The following NFIA variants were observed in gnomAD, a reference collection of about 807,000 sequenced individuals.
NFIA encodes the protein nuclear factor 1 A-type.
Under a neutral mutation model 62.8 loss-of-function variants are expected in NFIA, and 8 were observed. The observed-to-expected ratio is 0.13, with a 90% confidence interval of 0.07 to 0.23. The LOEUF is 0.23. Among genes scored for constraint, NFIA ranks in the 10% least tolerant of loss-of-function variants. NFIA has a pLI of 1.00. For synonymous variants in NFIA, 235 were observed against 238.1 expected, an observed-to-expected ratio of 0.99 and a Z score of 0.12; for missense variants, 410 against 642.1, an observed-to-expected ratio of 0.64 and a Z score of 3.91.
At chr1:61,078,741 T>C (rs1050461077), upstream of NFIA, among the ~76,000 whole-genome samples, 4 of 152,208 alleles carry the variant, frequency 2.6e-5, no homozygotes, top group African/African-American at 7.2e-5. Context: ...CAGTAGGAAA[T>C]AGGACGTTAA....
chr1:61,329,896 T>G (rs549743417), intron 3 of NFIA, among the ~76,000 whole-genome samples: 1 of 152,250 alleles, frequency 6.6e-6, no homozygotes, highest in East Asian at 1.9e-4. Context: ...GTTAGGAGGC[T>G]TTCCCACCAT....
intron 3 of NFIA, among the ~76,000 whole-genome samples, chr1:61,305,097 A>G (rs749408781): frequency 9.2e-5 from 14 of 152,212 alleles, no homozygotes; most frequent in Non-Finnish European, 1.5e-4. Context: ...TCAGGGGCAA[A>G]GGAGAAAACG....
rs1382823323 is a variant in NFIA at position 61,461,972 on chromosome 1, T to G, written c.*6652T>G. On this transcript the variant is annotated 3_prime_UTR_variant, in exon 11 of 11. Transcript: ENST00000403491. ...TCCTTTGACTTATTTGTGTTGTTCT[T>G]ATTTTTTAAATTTTTATTTTTTGAT... is the stretch of plus-strand genomic sequence containing the variant. The G allele has an allele frequency of 1.3e-5, 2 of 151,882 alleles. No individual in the cohort carries two copies. Among genetic ancestry groups the G allele is most frequent in the African/African-American group, 2.4e-5 (1 of 41,400 alleles). The allele number at this position is 151,882 out of a possible 1,614,324, so 9.4% of individuals were successfully genotyped here.
chr1:61,096,504 A>G (rs1557561987), intron 2 of NFIA, among the ~76,000 whole-genome samples: 1 of 147,808 alleles, frequency 6.8e-6, no homozygotes. Flanking sequence ...ACGCCTGGCC[A>G]TGAGCTTTGT....
intron 4 of NFIA, among the ~76,000 whole-genome samples, chr1:61,337,137 G>A (rs1286224196): frequency 6.6e-6 from 1 of 152,126 alleles, no homozygotes; most frequent in Non-Finnish European, 1.5e-5. Context: ...AGAAACTCAG[G>A]AGAAAGCTGC....
chr1:61,282,092 C>G (rs897134552), intron 3 of NFIA, among the ~76,000 whole-genome samples: 1 of 151,830 alleles, frequency 6.6e-6, no homozygotes, highest in Non-Finnish European at 1.5e-5. Context: ...ACAGATATAA[C>G]TAGTAGGTCT....
intron 2 of NFIA, among the ~76,000 whole-genome samples, chr1:61,230,819 A>T (rs1368675059): frequency 1.3e-5 from 2 of 152,214 alleles, no homozygotes; most frequent in Non-Finnish European, 2.9e-5. Flanking sequence ...CCAGTGCCTC[A>T]GTACTGCAGT....
At chr1:61,362,576 C>G (rs555568634) in intron 6 of NFIA, among the ~76,000 whole-genome samples, 4 of 152,314 alleles carry the variant, frequency 2.6e-5, no homozygotes, top group South Asian at 2.1e-4. Flanking sequence ...ACCAGACATG[C>G]AGTAAATTAC....
intron 6 of NFIA, among the ~76,000 whole-genome samples, chr1:61,364,388 TTGAA>T (rs1304945779): frequency 1.3e-5 from 2 of 152,196 alleles, no homozygotes; most frequent in Non-Finnish European, 2.9e-5. Context: ...TAAATATTGA[TTGAA>T]TGAATGAAGC....
rs531200936 is a variant in NFIA at position 61,382,977 on chromosome 1, A to G, written c.947-260A>G. ...CACTGGAAAAGTTGAACCCTGTATT[A>G]TTATTGAAGACCAATAACCCAAAAA... On this transcript the variant is annotated intron_variant, in intron 6 of 10. Coordinates refer to ENST00000403491, the MANE Select transcript of NFIA (RefSeq NM_001134673.4). Among the ~76,000 whole-genome samples, 63 of 152,310 alleles carry G rather than the reference A, an allele frequency of 4.1e-4. 1 individual carries two copies. Among genetic ancestry groups the G allele is most frequent in the African/African-American group, 1.4e-3 (57 of 41,566 alleles).
intron 10 of NFIA, among the ~76,000 whole-genome samples, chr1:61,431,403 A>G (rs1422736866): frequency 3.3e-5 from 5 of 152,236 alleles, no homozygotes; most frequent in African/African-American, 1.2e-4. Flanking sequence ...AAAATGAAAA[A>G]TGGGTGCAAA....
chr1:61,176,275 C>A (rs949576883), intron 2 of NFIA, among the ~76,000 whole-genome samples: 1 of 152,030 alleles, frequency 6.6e-6, no homozygotes, highest in Non-Finnish European at 1.5e-5. Context: ...TTCTCCCCCA[C>A]CCTTTTTAAT....
chr1:61,186,546 A>G (rs1487925654), intron 2 of NFIA, among the ~76,000 whole-genome samples: 2 of 152,208 alleles, frequency 1.3e-5, no homozygotes, highest in African/African-American at 2.4e-5. Flanking sequence ...CCTACCATAC[A>G]TTGTGCCAAG....
intron 4 of NFIA, among the ~76,000 whole-genome samples, chr1:61,339,065 A>G (rs1661765579): frequency 6.6e-6 from 1 of 152,204 alleles, no homozygotes; most frequent in Non-Finnish European, 1.5e-5. Flanking sequence ...TTGCCATTAC[A>G]CAATTCAATG....
chr1:61,372,112 G>C (rs1436045481), intron 6 of NFIA, among the ~76,000 whole-genome samples: 2 of 152,080 alleles, frequency 1.3e-5, no homozygotes, highest in East Asian at 1.9e-4. Flanking sequence ...GCAGTTTTTA[G>C]TTTAAGTGAA....
chr1:61,086,427 A>G (rs905963537), intron 1 of NFIA, among the ~76,000 whole-genome samples: 1 of 152,176 alleles, frequency 6.6e-6, no homozygotes, highest in Non-Finnish European at 1.5e-5. Context: ...CAGAAATTTT[A>G]AAAATGTTAA....
At chr1:61,437,955 A>C (rs1323592604) in intron 10 of NFIA, among the ~76,000 whole-genome samples, 1 of 152,116 alleles carries the variant, frequency 6.6e-6, no homozygotes, top group Admixed American at 6.5e-5. Flanking sequence ...AAGCACTTGG[A>C]CTTTATTCTG....
At chr1:61,251,821 A>T (rs1487999535) in intron 2 of NFIA, among the ~76,000 whole-genome samples, 2 of 152,206 alleles carry the variant, frequency 1.3e-5, no homozygotes, top group African/African-American at 4.8e-5. Flanking sequence ...AAATAACAAA[A>T]ATATAAATAG....
chr1:61,326,962 G>T (rs2100380250), intron 3 of NFIA, among the ~76,000 whole-genome samples: 1 of 151,914 alleles, frequency 6.6e-6, no homozygotes, highest in South Asian at 2.1e-4. Flanking sequence ...CCATGCCATG[G>T]AAAGGAGTTA....
Sources: gnomAD v4.1 joint callset for allele counts (sites outside exome capture counted in the v4.1 genomes callset) on GRCh38, gnomAD v4.1.1 for gene constraint, MANE v1.5 for transcripts, NCBI Gene and HGNC (gene_info 2026-07-23, HGNC 2026-07-21) for gene names.